The following ATXN7 variants were observed in gnomAD, a reference collection of about 807,000 sequenced individuals.
ATXN7 encodes ataxin-7.
ATXN7 carries 12 observed loss-of-function variants against 70.5 expected under a neutral mutation model. That is an observed-to-expected ratio of 0.17 (90% CI 0.11 to 0.28). The LOEUF (loss-of-function observed/expected upper bound fraction) is 0.28. ATXN7 is among the 10% of genes least tolerant of loss of function. ATXN7 has a pLI of 1.00. For missense variants in ATXN7, 1,256 were observed against 1,131.7 expected (o/e 1.11, Z -1.58); for synonymous variants, 498 against 448.7 (o/e 1.11, Z -1.39).
chr3:63,965,335 G>A (rs925856945), intron 5 of ATXN7, among the ~76,000 whole-genome samples: 8 of 152,074 alleles, frequency 5.3e-5, no homozygotes, highest in African/African-American at 1.4e-4. Flanking sequence ...TCTTGCCCAC[G>A]GCTGCACAAC....
intron 5 of ATXN7, among the ~76,000 whole-genome samples, chr3:63,953,856 C>G (rs1476286595): frequency 1.3e-5 from 2 of 152,042 alleles, no homozygotes; most frequent in Non-Finnish European, 1.5e-5. Flanking sequence ...CCATGTTGGC[C>G]AGGCTGGTCT....
intron 4 of ATXN7, among the ~76,000 whole-genome samples, chr3:63,936,236 G>A (rs370525176): frequency 7.6e-4 from 115 of 152,110 alleles, no homozygotes; most frequent in Non-Finnish European, 1.5e-3. Flanking sequence ...CTGTGATTCC[G>A]GTATTTAATT....
At chr3:63,964,260 A>G (rs1390819175) in intron 5 of ATXN7, among the ~76,000 whole-genome samples, 2 of 152,184 alleles carry the variant, frequency 1.3e-5, no homozygotes, top group African/African-American at 4.8e-5. Context: ...GTCTATGGGA[A>G]GTTTCTATTC....
chr3:63,931,696 C>T (rs1704970333), intron 4 of ATXN7, among the ~76,000 whole-genome samples: 1 of 152,144 alleles, frequency 6.6e-6, no homozygotes, highest in Non-Finnish European at 1.5e-5. Flanking sequence ...TCTCCTTTGT[C>T]TCCACCCATA....
At chr3:63,982,082 C>G in intron 6 of ATXN7, 104 bp from the exon 7 acceptor site, 1 of 1,494,490 alleles carries the variant, frequency 6.7e-7, no homozygotes, top group Non-Finnish European at 9.2e-7. Flanking sequence ...CCCTGTGCAG[C>G]GCTTGGGTAG....
rs2080401783 is a variant in ATXN7 at position 64,002,006 on chromosome 3, A to G, written c.*2539A>G. Reference sequence around the variant, plus strand: ...CTCCTGCAGTTTTCTTAACCTACAAAAAAAAAAAAAAAGTGCTGCAATGAT... The same window carrying G: ...CTCCTGCAGTTTTCTTAACCTACAAGAAAAAAAAAAAAGTGCTGCAATGAT... On this transcript the variant is annotated 3_prime_UTR_variant, in exon 13 of 13. Coordinates refer to ENST00000674280, the MANE Select transcript of ATXN7 (RefSeq NM_001377405.1). The G allele has an allele frequency of 6.6e-6, 1 of 151,620 alleles. No individual in the cohort carries two copies. Among genetic ancestry groups the G allele is most frequent in the South Asian group, 2.1e-4 (1 of 4,818 alleles). The allele number at this position is 151,620 out of a possible 1,614,324, so 9.4% of individuals were successfully genotyped here. A position where few individuals can be genotyped will look rare whatever the true frequency, so the allele number is the denominator to read the frequency against.
At chr3:63,924,017 T>C (rs1704607157) in intron 4 of ATXN7, among the ~76,000 whole-genome samples, 1 of 152,118 alleles carries the variant, frequency 6.6e-6, no homozygotes. Context: ...CTGGCTAATA[T>C]GTGGAGGGAC....
chr3:63,942,566 T>C (rs944852277), intron 4 of ATXN7, among the ~76,000 whole-genome samples: 2 of 152,222 alleles, frequency 1.3e-5, no homozygotes, highest in Non-Finnish European at 2.9e-5. Context: ...ATTCATGTAT[T>C]TATTCAGTGC....
intron 1 of ATXN7, among the ~76,000 whole-genome samples, chr3:63,871,746 A>G (rs1425366936): frequency 6.6e-6 from 1 of 152,190 alleles, no homozygotes; most frequent in African/African-American, 2.4e-5. Flanking sequence ...AGTATATGGA[A>G]GAAAATGCCA....
intron 1 of ATXN7, among the ~76,000 whole-genome samples, chr3:63,897,947 T>G (rs1575862009): frequency 6.6e-6 from 1 of 152,322 alleles, no homozygotes; most frequent in South Asian, 2.1e-4. Flanking sequence ...CCTGTTGAAG[T>G]ATTAAAAATT....
chr3:63,882,416 T>TGG (rs1374894567), intron 1 of ATXN7, among the ~76,000 whole-genome samples: 2 of 150,678 alleles, frequency 1.3e-5, no homozygotes. Flanking sequence ...GTCGGAGTCT[T>TGG]CTCTGTCACC....
At position 63,912,680 on chromosome 3, in the gene ATXN7, G is replaced by GC; in HGVS notation, c.85dup (p.Arg29ProfsTer60). The GC allele has an allele frequency of 1.0e-6, 1 of 999,130 alleles. No homozygotes were observed. The highest frequency in any genetic ancestry group is 1.2e-6 in the Non-Finnish European group (1 of 823,878). The allele number at this position is 999,130 out of a possible 1,614,324, so 61.9% of individuals were successfully genotyped here. On this transcript the variant is annotated frameshift_variant, in exon 3 of 13. Coordinates refer to ENST00000674280, the MANE Select transcript of ATXN7 (RefSeq NM_001377405.1). LOFTEE classifies it high-confidence loss of function. Reference sequence around the variant, plus strand: ...GGCGGGCGGAGCAGCGGCCGCGGCCGCCCGGCAGCAGCAGCAGCAGCAGCA... The same window carrying GC: ...GGCGGGCGGAGCAGCGGCCGCGGCCGCCCCGGCAGCAGCAGCAGCAGCAGCA...
At chr3:63,976,295 G>T (rs1458909832) in intron 5 of ATXN7, among the ~76,000 whole-genome samples, 6 of 152,150 alleles carry the variant, frequency 3.9e-5, no homozygotes, top group African/African-American at 9.7e-5. Flanking sequence ...GCTTTCTTGT[G>T]GGGGGAAAGC....
intron 1 of ATXN7, chr3:63,866,982 GA>G (rs1575826083): frequency 1.3e-5 from 2 of 149,726 alleles, no homozygotes; most frequent in East Asian, 3.9e-4. Flanking sequence ...TTGAGAATAT[GA>G]AAGACTAGTT....
chr3:63,922,231 G>A (rs998124452), intron 4 of ATXN7, among the ~76,000 whole-genome samples: 2 of 151,820 alleles, frequency 1.3e-5, no homozygotes, highest in African/African-American at 2.4e-5. Context: ...TTGTAGAGAC[G>A]GGGTTTCACC....
chr3:63,971,360 A>AT (rs1433116614), intron 5 of ATXN7, among the ~76,000 whole-genome samples: 5 of 152,178 alleles, frequency 3.3e-5, no homozygotes, highest in Non-Finnish European at 7.3e-5. Flanking sequence ...CTTTTAAGCA[A>AT]TTAGACTACA....
intron 1 of ATXN7, among the ~76,000 whole-genome samples, chr3:63,894,798 A>G (rs1703394807): frequency 6.6e-6 from 1 of 152,218 alleles, no homozygotes; most frequent in African/African-American, 2.4e-5. Context: ...TGCTAGGATT[A>G]CAAGCATGAG....
chr3:63,948,628 A>G (rs2074904723), intron 4 of ATXN7, among the ~76,000 whole-genome samples: 1 of 152,186 alleles, frequency 6.6e-6, no homozygotes, highest in African/African-American at 2.4e-5. Context: ...GCAACACCAA[A>G]GTAAATACAT....
At chr3:63,881,243 T>C (rs958891689) in intron 1 of ATXN7, among the ~76,000 whole-genome samples, 1 of 86,352 alleles carries the variant, frequency 1.2e-5, no homozygotes, top group Admixed American at 1.6e-4. Flanking sequence ...TAGCCATGCC[T>C]TTTTGTGATT....
Sources: allele counts gnomAD v4.1 joint callset (sites outside exome capture counted in the v4.1 genomes callset), GRCh38; gene constraint gnomAD v4.1.1; transcripts MANE v1.5; gene names NCBI Gene and HGNC (gene_info 2026-07-23, HGNC 2026-07-21).